Variants in PRKCA observed in about 807,000 individuals in gnomAD.
The protein encoded by PRKCA is protein kinase C alpha, also known as protein kinase C alpha type.
A neutral mutation model predicts 87.0 loss-of-function variants in PRKCA; 27 were observed. The ratio of observed to expected loss-of-function variants is 0.31; its 90% CI spans 0.23 to 0.43. PRKCA has a LOEUF of 0.43. Among genes scored for constraint, PRKCA ranks in the 20% least tolerant of loss-of-function variants. The pLI is 1.00. For synonymous variants in PRKCA, 329 were observed against 311.1 expected, an observed-to-expected ratio of 1.06 and a Z score of -0.61; for missense variants, 518 against 852.3, an observed-to-expected ratio of 0.61 and a Z score of 4.88.
intron 3 of PRKCA, among the ~76,000 whole-genome samples, chr17:66,583,760 G>A (rs76421619): frequency 1.3e-5 from 2 of 151,876 alleles, no homozygotes; most frequent in Non-Finnish European, 2.9e-5. Context: ...TTCTTTTTTT[G>A]AAGATGGATT....
chr17:66,635,307 A>G (rs1188334692), intron 3 of PRKCA, among the ~76,000 whole-genome samples: 1 of 152,204 alleles, frequency 6.6e-6, no homozygotes, highest in African/African-American at 2.4e-5. Flanking sequence ...CTCTTGGGCC[A>G]GTGGGGGCAG....
chr17:66,350,079 CAG>C (rs1465325813), intron 2 of PRKCA, among the ~76,000 whole-genome samples: 3 of 152,316 alleles, frequency 2.0e-5, no homozygotes, highest in Middle Eastern at 3.4e-3. Context: ...CTAGTGTCCT[CAG>C]AGCGATGGCC....
At chr17:66,323,315 G>T (rs1386045859) in intron 2 of PRKCA, among the ~76,000 whole-genome samples, 1 of 152,098 alleles carries the variant, frequency 6.6e-6, no homozygotes, top group Non-Finnish European at 1.5e-5. Flanking sequence ...AGGTTGATCT[G>T]GGTTATTTAG....
At chr17:66,571,225 A>G (rs16959678) in intron 3 of PRKCA, among the ~76,000 whole-genome samples, 2,320 of 152,266 alleles carry the variant, frequency 0.015, 68 homozygotes, top group African/African-American at 0.053. Context: ...CCTAATCCCT[A>G]TCATCTTGTG....
At position 66,663,879 on chromosome 17, in the gene PRKCA, T is replaced by C. The variant is rs867097862; in HGVS notation, c.529+18368T>C. Among the ~76,000 whole-genome samples, 150 of 151,774 alleles carry C rather than the reference T, an allele frequency of 9.9e-4. 1 individual carries two copies. Among genetic ancestry groups the C allele is most frequent in the African/African-American group, 3.6e-3 (148 of 41,446 alleles). Reference sequence around the variant, plus strand: ...GGTTTGTTTGATTTTGGGGTTTTTTTTTTTTTGAGACAGGGTCTCACTCAG... The same window carrying C: ...GGTTTGTTTGATTTTGGGGTTTTTTCTTTTTTGAGACAGGGTCTCACTCAG... On this transcript the variant is annotated intron_variant, in intron 5 of 16. Coordinates refer to ENST00000413366, the MANE Select transcript of PRKCA (RefSeq NM_002737.3).
chr17:66,803,785 G>C lies in PRKCA; in HGVS notation c.1855-88G>C, dbSNP rs774018396. 8 of 1,542,806 alleles carry C rather than the reference G, an allele frequency of 5.2e-6. No homozygotes were observed. In the Admixed American group the frequency reaches 1.1e-4, roughly 21 times the overall value. On this transcript the variant is annotated intron_variant, in intron 16 of 16. Transcript: ENST00000413366. The surrounding 1 kb of genome is among the most constrained non-coding windows in gnomAD (Gnocchi z 4.4). ...AACCAGCCCGGAGTTCCCCAGGGCC[G>C]TGCCCCTCCCCAGAGAGGGCCCTCG...
rs148783379 is a variant in PRKCA, at chr17:66,537,080, G to A, written c.288+40797G>A. ...TGAATTTTACTCTCAGGGAAGCCCC[G>A]ACTGTGCTCCTGAAGCTGTTTTTAT... On this transcript the variant is annotated intron_variant, in intron 3 of 16. Coordinates refer to ENST00000413366, the MANE Select transcript of PRKCA (RefSeq NM_002737.3). Among the ~76,000 whole-genome samples, 7 of 152,178 alleles carry A rather than the reference G, an allele frequency of 4.6e-5. No homozygotes were observed. In the East Asian group the frequency reaches 5.8e-4, roughly 13 times the overall value.
intron 5 of PRKCA, among the ~76,000 whole-genome samples, chr17:66,678,907 T>C (rs1389695389): frequency 6.6e-6 from 1 of 152,198 alleles, no homozygotes; most frequent in Admixed American, 6.5e-5. Flanking sequence ...CTCTATGCTT[T>C]CCATGTGCTG....
intron 4 of PRKCA, among the ~76,000 whole-genome samples, chr17:66,644,049 C>T (rs539685658): frequency 6.6e-6 from 1 of 152,278 alleles, no homozygotes; most frequent in South Asian, 2.1e-4. Flanking sequence ...GCAAATTTTG[C>T]CCGGACACTT....
At position 66,749,541 on chromosome 17, in the gene PRKCA, C is replaced by G. The variant is rs1025642659; in HGVS notation, c.1524+6781C>G. ...CCTGCTGTTTTTCATGGCACTCATC[C>G]CCCTTGGAGGGACAAAGATGTACTC... On this transcript the variant is annotated intron_variant, in intron 13 of 16. Transcript: ENST00000413366. Among the ~76,000 whole-genome samples, 7 of 152,276 alleles carry G rather than the reference C, an allele frequency of 4.6e-5. No individual in the cohort carries two copies. In the East Asian group the frequency reaches 1.4e-3, roughly 29 times the overall value.
chr17:66,579,454 A>G (rs757908877), intron 3 of PRKCA, among the ~76,000 whole-genome samples: 1 of 152,204 alleles, frequency 6.6e-6, no homozygotes, highest in Non-Finnish European at 1.5e-5. Flanking sequence ...ACGCTTACCA[A>G]GGGTTTACCG....
intron 5 of PRKCA, among the ~76,000 whole-genome samples, chr17:66,685,672 C>T (rs9904025): frequency 0.035 from 5,307 of 152,188 alleles, 303 homozygotes; most frequent in African/African-American, 0.12. Context: ...CTCTGACTTC[C>T]GATCTTAGGG....
Position 66,792,139 on chromosome 17 carries a change from G to A in PRKCA, c.1854+3160G>A, listed in dbSNP as rs1391649739. Among the ~76,000 whole-genome samples the A allele has an allele frequency of 6.6e-6, 1 of 152,140 alleles. No individual in the cohort carries two copies. Among genetic ancestry groups the A allele is most frequent in the Non-Finnish European group, 1.5e-5 (1 of 68,022 alleles). ...AACCTTTTCTGTCTTGGTGAAGTCT[G>A]CCTGATGGTTTTTTAGCAAGCGCTG... On this transcript the variant is annotated intron_variant, in intron 16 of 16. Coordinates refer to ENST00000413366, the MANE Select transcript of PRKCA (RefSeq NM_002737.3). This position sits in a 1 kb window ranked among gnomAD's most constrained non-coding sequence, Gnocchi z 4.5.
chr17:66,483,793 A>G (rs953111995), intron 2 of PRKCA, among the ~76,000 whole-genome samples: 5 of 152,072 alleles, frequency 3.3e-5, no homozygotes, highest in African/African-American at 1.2e-4. Flanking sequence ...TGCCAGTCAT[A>G]TTGGATTAGA....
chr17:66,741,884 C>T (rs1484847034), intron 12 of PRKCA, among the ~76,000 whole-genome samples, 163 bp downstream of exon 12: 1 of 152,140 alleles, frequency 6.6e-6, no homozygotes, highest in Non-Finnish European at 1.5e-5. Flanking sequence ...GGAGGCAAAT[C>T]AGAGCCACCT....
chr17:66,797,991 C>G (rs1975707261), intron 16 of PRKCA, among the ~76,000 whole-genome samples: 1 of 152,216 alleles, frequency 6.6e-6, no homozygotes, highest in South Asian at 2.1e-4. Context: ...AGCTCTGAGG[C>G]CATGGACAGC....
chr17:66,775,387 A>G, intron 14 of PRKCA: 2 of 984,710 alleles, frequency 2.0e-6, no homozygotes, highest in Non-Finnish European at 2.4e-6. Flanking sequence ...GGCATGTATC[A>G]CTTCTGCCTA....
In PRKCA at chr17:66,537,719, A is replaced by G. The variant is rs996004169; in HGVS notation, c.288+41436A>G. Among the ~76,000 whole-genome samples the G allele has an allele frequency of 7.9e-5, 12 of 152,232 alleles. No homozygotes were observed. The East Asian group carries it at 1.5e-3, about 20-fold the overall frequency. ...AAATAGAAGTATTTTCCACTTCCCC[A>G]TTTCTGAAGCTCCTAGACGTTTTAT... On this transcript the variant is annotated intron_variant, in intron 3 of 16. Coordinates refer to ENST00000413366, the MANE Select transcript of PRKCA (RefSeq NM_002737.3).
rs1177950815 is a variant in PRKCA at position 66,759,295 on chromosome 17, G to A, written c.1525-14692G>A. ...GGCGTGAACCCGGGAGGCAGAGCTT[G>A]CAGTGAGCCAAGATGGCGCCACTGC... On this transcript the variant is annotated intron_variant, in intron 13 of 16. Transcript: ENST00000413366. Among the ~76,000 whole-genome samples, 3 of 152,048 alleles carry A rather than the reference G, an allele frequency of 2.0e-5. No individual in the cohort carries two copies. The East Asian group carries it at 5.8e-4, about 29-fold the overall frequency.
Sources: gnomAD v4.1 joint callset for allele counts (sites outside exome capture counted in the v4.1 genomes callset) on GRCh38, gnomAD v4.1.1 for gene constraint, Gnocchi (gnomAD v3.1) non-coding constraint, MANE v1.5 for transcripts, NCBI Gene and HGNC (gene_info 2026-07-23, HGNC 2026-07-21) for gene names.